The following STARD5 variants were observed in gnomAD, a reference collection of about 807,000 sequenced individuals.
STARD5 encodes the protein stAR-related lipid transfer protein 5.
STARD5 carries 26 observed loss-of-function variants against 24.6 expected under a neutral mutation model. The observed-to-expected ratio is 1.06, with a 90% CI of 0.77 to 1.47. The LOEUF (loss-of-function observed/expected upper bound fraction) is 1.47, where lower values mean the gene tolerates loss of function less well. Among genes scored for constraint, STARD5 ranks in the 40% most tolerant of loss-of-function variants. STARD5 has a pLI of 0.00. For missense variants in STARD5, 254 were observed against 270.8 expected (o/e 0.94, Z 0.44); for synonymous variants, 101 against 99.7 (o/e 1.01, Z -0.07).
In STARD5 at chr15:81,311,054, G is replaced by C. The variant is rs949277443; in HGVS notation, c.*2202C>G. On this transcript the variant is annotated 3_prime_UTR_variant, in exon 6 of 6. Transcript: ENST00000302824. ...TAGGCTGGGGAAGTCCTCTGGGTAG[G>C]AATCAGCAAGAAGATCCTAAAACAA... The C allele has an allele frequency of 6.6e-6, 1 of 152,180 alleles. No individual in the cohort carries two copies. Among genetic ancestry groups the C allele is most frequent in the Non-Finnish European group, 1.5e-5 (1 of 68,060 alleles). The allele number at this position is 152,180 out of a possible 1,614,324, so 9.4% of individuals were successfully genotyped here.
rs982262994 is a variant in STARD5, at chr15:81,318,637, A to G, written c.401-135T>C. On this transcript the variant is annotated intron_variant, in intron 4 of 5. Coordinates refer to ENST00000302824, the MANE Select transcript of STARD5 (RefSeq NM_181900.3). ...TGAGGGACTCCTGCCTCTTGGCGTG[A>G]GTTCCCCCTACTCCCACCCTACTGC... 3 of 714,568 alleles carry G rather than the reference A, an allele frequency of 4.2e-6. No homozygotes were observed. The African/African-American group carries it at 5.3e-5, about 13-fold the overall frequency. 44.3% of individuals were successfully genotyped at this position (714,568 alleles called of 1,614,324 possible).
rs17875556 is a variant in STARD5, at chr15:81,309,667, C to T, written c.*3589G>A. The T allele has an allele frequency of 0.095, 14,422 of 152,248 alleles. 713 individuals carry two copies. The highest frequency in any genetic ancestry group is 0.19 in the Middle Eastern group (55 of 294). 9.4% of individuals were successfully genotyped at this position (152,248 alleles called of 1,614,324 possible). Reference sequence around the variant, plus strand: ...AGGGAAGGGTGGTGGAGCCAGTAAACAGAGGAGTACAGGTGAAGCACCAAG... The same window carrying T: ...AGGGAAGGGTGGTGGAGCCAGTAAATAGAGGAGTACAGGTGAAGCACCAAG... On this transcript the variant is annotated 3_prime_UTR_variant, in exon 6 of 6. Coordinates refer to ENST00000302824, the MANE Select transcript of STARD5 (RefSeq NM_181900.3).
chr15:81,319,376 T>C lies in STARD5; in HGVS notation c.363A>G (p.Leu121=), dbSNP rs754244611. The C allele has an allele frequency of 1.2e-6, 2 of 1,614,212 alleles. No homozygotes were observed. Among genetic ancestry groups the C allele is most frequent in the South Asian group, 2.2e-5 (2 of 91,092 alleles). ...TGGTCCCATCCTCATATCTCTTGAC[T>C]AGCACCAAGTCCACAAAATCTCTGG... ...ISPRDFVDLV[L]VKRYEDGTIS... The change falls in exon 4 of 6, where the codon CTA becomes CTG. Residue 121 remains leucine, a synonymous_variant. Transcript: ENST00000302824.
intron 5 of STARD5, among the ~76,000 whole-genome samples, chr15:81,314,593 C>T (rs1302878158): frequency 6.6e-6 from 1 of 152,064 alleles, no homozygotes; most frequent in Non-Finnish European, 1.5e-5. Context: ...TTTAGAATCC[C>T]ACTCCCCAGG....
chr15:81,322,327 C>A (rs1893305040), intron 3 of STARD5, 81 bp downstream of exon 3: 4 of 1,566,430 alleles, frequency 2.6e-6, no homozygotes, highest in African/African-American at 2.7e-5. Flanking sequence ...GTATCACGGA[C>A]CCCTTCCAGA....
intron 3 of STARD5, among the ~76,000 whole-genome samples, chr15:81,322,112 G>C (rs760721788): frequency 3.3e-5 from 5 of 152,220 alleles, no homozygotes; most frequent in Non-Finnish European, 4.4e-5. Context: ...TCAGGGAAGT[G>C]GGTGCCAGGG....
Position 81,311,755 on chromosome 15 carries a change from G to T in STARD5, c.*1501C>A, listed in dbSNP as rs1900868412. ...TTGCCACAGAGCGGGGACTCGGTAAGCACTTAATGAATGAATGAATTCTAA... is the reference window on the plus strand; with the variant it reads ...TTGCCACAGAGCGGGGACTCGGTAATCACTTAATGAATGAATGAATTCTAA... On this transcript the variant is annotated 3_prime_UTR_variant, in exon 6 of 6. Coordinates refer to ENST00000302824, the MANE Select transcript of STARD5 (RefSeq NM_181900.3). The T allele has an allele frequency of 6.6e-6, 1 of 152,228 alleles. No individual in the cohort carries two copies. The highest frequency in any genetic ancestry group is 2.4e-5 in the African/African-American group (1 of 41,448). 9.4% of individuals were successfully genotyped at this position (152,228 alleles called of 1,614,324 possible). A position where few individuals can be genotyped will look rare whatever the true frequency, so the allele number is the denominator to read the frequency against.
In STARD5 at chr15:81,310,396, A is replaced by G. The variant is rs1744501395; in HGVS notation, c.*2860T>C. ...AGGCGTTCAGCTCACTGTTCTATTC[A>G]TCTCAAGGAATAATGGGCTTAGAGC... On this transcript the variant is annotated 3_prime_UTR_variant, in exon 6 of 6. Transcript: ENST00000302824. 6.6e-6 allele frequency: 1 copy of G among 152,166 alleles called. No individual in the cohort carries two copies. The highest frequency in any genetic ancestry group is 2.1e-4 in the South Asian group (1 of 4,834). 9.4% of individuals were successfully genotyped at this position (152,166 alleles called of 1,614,324 possible).
At chr15:81,315,941 T>C (rs1241569181) in intron 5 of STARD5, among the ~76,000 whole-genome samples, 2 of 152,100 alleles carry the variant, frequency 1.3e-5, no homozygotes, top group Non-Finnish European at 2.9e-5. Context: ...TGCTCAGGCC[T>C]CCCCAGTGGC....
At chr15:81,314,914 AAG>A (rs1901047741) in intron 5 of STARD5, among the ~76,000 whole-genome samples, 1 of 150,946 alleles carries the variant, frequency 6.6e-6, no homozygotes, top group Non-Finnish European at 1.5e-5. Flanking sequence ...AAAAAAAAAA[AAG>A]AATCTCACTC....
chr15:81,323,478 G>T, intron 1 of STARD5: 1 of 447,894 alleles, frequency 2.2e-6, no homozygotes, highest in Non-Finnish European at 4.2e-6. Flanking sequence ...ATGCTGTAAT[G>T]AAAAGTCAGA....
chr15:81,315,005 C>T (rs116546648), intron 5 of STARD5, among the ~76,000 whole-genome samples: 2,892 of 151,998 alleles, frequency 0.019, 94 homozygotes, highest in African/African-American at 0.067. Flanking sequence ...AGCATGTGCT[C>T]CTCTGGGCTG....
At chr15:81,318,981 G>A (rs1901139484) in intron 4 of STARD5, among the ~76,000 whole-genome samples, 2 of 152,156 alleles carry the variant, frequency 1.3e-5, no homozygotes, top group Non-Finnish European at 2.9e-5. Context: ...TGGGCATTAA[G>A]GGAGTGGACA....
rs932122970 is a variant in STARD5, at chr15:81,313,473, G to T, written c.495-70C>A. ...TGCTGGGGACGAGCGCCAGGCAGGT[G>T]AGCAGAGCCCAGCCCAGTGGAAATG... On this transcript the variant is annotated intron_variant, in intron 5 of 5. Transcript: ENST00000302824. 5 of 1,406,818 alleles carry T rather than the reference G, an allele frequency of 3.6e-6. No individual in the cohort carries two copies. The South Asian group carries it at 8.3e-5, about 23-fold the overall frequency. The allele number at this position is 1,406,818 out of a possible 1,614,324, so 87.1% of individuals were successfully genotyped here.
rs1900864223 is a variant in STARD5, at chr15:81,311,719, T to C, written c.*1537A>G. 1.3e-5 allele frequency: 2 copies of C among 152,216 alleles called. No homozygotes were observed. Among genetic ancestry groups the C allele is most frequent in the African/African-American group, 4.8e-5 (2 of 41,440 alleles). 9.4% of individuals were successfully genotyped at this position (152,216 alleles called of 1,614,324 possible). On this transcript the variant is annotated 3_prime_UTR_variant, in exon 6 of 6. Transcript: ENST00000302824. ...TGGCTGAACTCATGAGAAGTTGATA[T>C]AGAACAGTGCTTGCCACAGAGCGGG...
chr15:81,313,217 T>G lies in STARD5; in HGVS notation c.*39A>C. 1.3e-6 allele frequency: 2 copies of G among 1,481,770 alleles called. No homozygotes were observed. Among genetic ancestry groups the G allele is most frequent in the East Asian group, 5.3e-5 (2 of 37,936 alleles). 91.8% of individuals were successfully genotyped at this position (1,481,770 alleles called of 1,614,324 possible). On this transcript the variant is annotated 3_prime_UTR_variant, in exon 6 of 6. Transcript: ENST00000302824. ...TGTCCCAACAGCTGGAGCTCCTCGA[T>G]GAGTCACGGGAGTTCTTTGCCAAGA...
In STARD5 at chr15:81,311,860, C is replaced by T. The variant is rs914771241; in HGVS notation, c.*1396G>A. 1 of 152,166 alleles carries T rather than the reference C, an allele frequency of 6.6e-6. No individual in the cohort carries two copies. Among genetic ancestry groups the T allele is most frequent in the African/African-American group, 2.4e-5 (1 of 41,426 alleles). 9.4% of individuals were successfully genotyped at this position (152,166 alleles called of 1,614,324 possible). Reference sequence around the variant, plus strand: ...GGCATGACTGTAGAATTTGTAGTTGCAATAGAACAGAGAAAGAGGAAGCTT... The same window carrying T: ...GGCATGACTGTAGAATTTGTAGTTGTAATAGAACAGAGAAAGAGGAAGCTT... On this transcript the variant is annotated 3_prime_UTR_variant, in exon 6 of 6. Transcript: ENST00000302824.
At chr15:81,319,228 T>G in intron 4 of STARD5, 111 bp downstream of exon 4, 25 of 978,862 alleles carry the variant, frequency 2.6e-5, no homozygotes, top group Non-Finnish European at 3.9e-5. Flanking sequence ...ACTCAGAGTG[T>G]GAGTTTCTGG....
Position 81,313,088 on chromosome 15 carries a change from G to A in STARD5, c.*168C>T. The A allele has an allele frequency of 2.7e-6, 2 of 730,192 alleles. No homozygotes were observed. Among genetic ancestry groups the A allele is most frequent in the Non-Finnish European group, 4.0e-6 (2 of 497,364 alleles). 45.2% of individuals were successfully genotyped at this position (730,192 alleles called of 1,614,324 possible). ...CAACCCTGAGTGGGGCAGGAGGCAG[G>A]AAGGGTGGGCTGCCGCCTCTGGTTG... On this transcript the variant is annotated 3_prime_UTR_variant, in exon 6 of 6. Transcript: ENST00000302824.
Sources: allele counts gnomAD v4.1 joint callset (sites outside exome capture counted in the v4.1 genomes callset), GRCh38; gene constraint gnomAD v4.1.1; transcripts MANE v1.5; gene names NCBI Gene and HGNC (gene_info 2026-07-23, HGNC 2026-07-21).